Variants in INPP5A observed in about 807,000 individuals in gnomAD.
INPP5A encodes the protein 43 kDa inositol polyphosphate 5-phophatase.
Under a neutral mutation model 65.2 loss-of-function variants are expected in INPP5A, and 14 were observed. That is an observed-to-expected ratio of 0.21 (90% CI 0.14 to 0.34). INPP5A has a LOEUF of 0.34. Ranked by LOEUF, INPP5A falls within the 10% of genes least tolerant of loss-of-function variation. INPP5A has a pLI of 1.00. For missense variants in INPP5A, 431 were observed against 545.6 expected (o/e 0.79, Z 2.09); for synonymous variants, 207 against 208.3 (o/e 0.99, Z 0.05).
At position 132,650,540 on chromosome 10, in the gene INPP5A, A is replaced by G. The variant is rs201568723; in HGVS notation, c.306+35A>G. 2.4e-4 allele frequency: 366 copies of G among 1,495,422 alleles called. 1 individual carries two copies. The Admixed American group carries it at 5.0e-3, about 20-fold the overall frequency. 92.6% of individuals were successfully genotyped at this position (1,495,422 alleles called of 1,614,324 possible). A position where few individuals can be genotyped will look rare whatever the true frequency, so the allele number is the denominator to read the frequency against. Reference sequence around the variant, plus strand: ...TCCCGCTGCCTGGTGCAGGGGTCAGACAGGCTGGCCTTGGCAGAAGCCAGC... The same window carrying G: ...TCCCGCTGCCTGGTGCAGGGGTCAGGCAGGCTGGCCTTGGCAGAAGCCAGC... On this transcript the variant is annotated intron_variant, in intron 4 of 15. Coordinates refer to ENST00000368594, the MANE Select transcript of INPP5A (RefSeq NM_005539.5). This position sits in a 1 kb window ranked among gnomAD's most constrained non-coding sequence, Gnocchi z 5.5.
chr10:132,747,510 T>A (rs1846391861), intron 9 of INPP5A, among the ~76,000 whole-genome samples: 1 of 152,192 alleles, frequency 6.6e-6, no homozygotes, highest in Non-Finnish European at 1.5e-5. Context: ...GCCGAAGGGC[T>A]CCAGAGTTCC....
Position 132,620,253 on chromosome 10 carries a change from G to A in INPP5A, c.117+12297G>A, listed in dbSNP as rs113725024. ...TGGCACTCGACTCCTTTTTAGTTAT[G>A]CAAATATCTCTAGCAAGTGGTTGCT... On this transcript the variant is annotated intron_variant, in intron 2 of 15. Transcript: ENST00000368594. Among the ~76,000 whole-genome samples, 1,240 of 152,314 alleles carry A rather than the reference G, an allele frequency of 8.1e-3. 15 individuals carry two copies. Among genetic ancestry groups the A allele is most frequent in the African/African-American group, 0.029 (1,189 of 41,552 alleles).
intron 9 of INPP5A, among the ~76,000 whole-genome samples, chr10:132,740,205 G>A (rs778755862): frequency 1.2e-4 from 19 of 152,186 alleles, no homozygotes; most frequent in Non-Finnish European, 1.6e-4. Flanking sequence ...AGAACTTAGC[G>A]TTTGAATTAT....
chr10:132,677,503 T>G (rs2072982377), intron 4 of INPP5A, among the ~76,000 whole-genome samples: 1 of 152,234 alleles, frequency 6.6e-6, no homozygotes, highest in Admixed American at 6.5e-5. Flanking sequence ...GCCCCCGCAG[T>G]GTGACAGAGA....
chr10:132,653,728 G>C (rs2072611549), intron 4 of INPP5A, among the ~76,000 whole-genome samples: 1 of 152,226 alleles, frequency 6.6e-6, no homozygotes, highest in Non-Finnish European at 1.5e-5. Context: ...AGAATTACAA[G>C]GTATTTTAAA....
At chr10:132,748,065 T>A (rs953429047) in intron 9 of INPP5A, among the ~76,000 whole-genome samples, 1 of 152,166 alleles carries the variant, frequency 6.6e-6, no homozygotes, top group Non-Finnish European at 1.5e-5. Context: ...AAATTTTTTT[T>A]ATTAAAAACA....
intron 2 of INPP5A, among the ~76,000 whole-genome samples, chr10:132,642,562 C>T (rs1337458942): frequency 6.6e-6 from 1 of 152,206 alleles, no homozygotes. Context: ...CGTTTGCCTA[C>T]AGAGCTGTGT....
intron 2 of INPP5A, among the ~76,000 whole-genome samples, chr10:132,636,188 T>TGTGTGTGC (rs1554938363): frequency 2.6e-5 from 4 of 151,792 alleles, no homozygotes; most frequent in African/African-American, 9.7e-5. Flanking sequence ...TGTGTGTGTG[T>TGTGTGTGC]ATTTTCTATA....
In INPP5A at chr10:132,706,633, C is replaced by T. The variant is rs1213340847; in HGVS notation, c.475-1680C>T. 1.3e-5 allele frequency among the ~76,000 whole-genome samples: 2 copies of T among 152,178 alleles called. No individual in the cohort carries two copies. The highest frequency in any genetic ancestry group is 2.1e-4 in the South Asian group (1 of 4,828). On this transcript the variant is annotated intron_variant, in intron 6 of 15. Transcript: ENST00000368594. This position sits in a 1 kb window ranked among gnomAD's most constrained non-coding sequence, Gnocchi z 4.7. ...CACCAGTGTGTGGGGCTTGGAATTTCCCTTCTTGAGCATGAGTGGGAGCAC... is the reference window on the plus strand; with the variant it reads ...CACCAGTGTGTGGGGCTTGGAATTTTCCTTCTTGAGCATGAGTGGGAGCAC...
chr10:132,565,647 G>A (rs2071263467), intron 1 of INPP5A, among the ~76,000 whole-genome samples: 1 of 152,076 alleles, frequency 6.6e-6, no homozygotes, highest in South Asian at 2.1e-4. Context: ...ATGTATATGT[G>A]TATGTGTGTA....
chr10:132,687,588 A>G (rs538808740), intron 4 of INPP5A, among the ~76,000 whole-genome samples: 1 of 152,220 alleles, frequency 6.6e-6, no homozygotes, highest in South Asian at 2.1e-4. Context: ...GGTATCCTTC[A>G]TCTCCGTCCC....
At chr10:132,765,273 A>G (rs945289844) in intron 11 of INPP5A, among the ~76,000 whole-genome samples, 3 of 152,198 alleles carry the variant, frequency 2.0e-5, no homozygotes, top group African/African-American at 7.2e-5. Flanking sequence ...CCTCCCGTGC[A>G]TGTGAGAATG....
At chr10:132,629,596 C>A (rs2072237654) in intron 2 of INPP5A, among the ~76,000 whole-genome samples, 1 of 152,262 alleles carries the variant, frequency 6.6e-6, no homozygotes, top group Non-Finnish European at 1.5e-5. Context: ...GTGCTAGTGG[C>A]TGTGGAATGA....
intron 2 of INPP5A, among the ~76,000 whole-genome samples, chr10:132,621,783 T>C (rs1313085015): frequency 6.7e-6 from 1 of 149,974 alleles, no homozygotes; most frequent in Non-Finnish European, 1.5e-5. Flanking sequence ...GGGGGGTATG[T>C]CTTTTTTTTT....
intron 1 of INPP5A, among the ~76,000 whole-genome samples, chr10:132,576,315 G>C (rs1374063403): frequency 6.6e-6 from 1 of 152,240 alleles, no homozygotes; most frequent in Admixed American, 6.5e-5. Context: ...CCTGTCTGCA[G>C]GGAGAGGAGA....
chr10:132,642,678 C>T (rs1185961889), intron 2 of INPP5A, among the ~76,000 whole-genome samples: 1 of 152,152 alleles, frequency 6.6e-6, no homozygotes, highest in East Asian at 1.9e-4. Flanking sequence ...ATCCATGTCA[C>T]GTACACTTGC....
intron 9 of INPP5A, among the ~76,000 whole-genome samples, chr10:132,749,136 G>A (rs1327509016): frequency 3.3e-5 from 5 of 152,390 alleles, no homozygotes; most frequent in Admixed American, 1.3e-4. Flanking sequence ...GTTCAGGGAC[G>A]GGAGAGAGCG....
chr10:132,714,968 TGGC>T (rs1845715097), intron 8 of INPP5A, among the ~76,000 whole-genome samples: 2 of 152,334 alleles, frequency 1.3e-5, no homozygotes, highest in East Asian at 3.9e-4. Flanking sequence ...GGGCAGGTGT[TGGC>T]GGCATCTGTG....
At position 132,735,223 on chromosome 10, in the gene INPP5A, G is replaced by A. The variant is rs531265638; in HGVS notation, c.732+8318G>A. Among the ~76,000 whole-genome samples the A allele has an allele frequency of 2.6e-5, 4 of 152,318 alleles. No individual in the cohort carries two copies. In the East Asian group the frequency reaches 7.7e-4, roughly 29 times the overall value. On this transcript the variant is annotated intron_variant, in intron 9 of 15. Transcript: ENST00000368594. ...GTACCTGCAGTCTGGCTCCTTGGGA[G>A]CCGGAAAAGGCCACACCCAGCCTCC...
Sources: allele counts gnomAD v4.1 joint callset (sites outside exome capture counted in the v4.1 genomes callset), GRCh38; gene constraint gnomAD v4.1.1; non-coding constraint Gnocchi (gnomAD v3.1); transcripts MANE v1.5; gene names NCBI Gene and HGNC (gene_info 2026-07-23, HGNC 2026-07-21).